Variants in CDC42EP4 observed in about 807,000 individuals in gnomAD.
CDC42EP4 encodes the protein CDC42 effector protein 4.
A neutral mutation model predicts 5.6 loss-of-function variants in CDC42EP4; 6 were observed. The observed-to-expected ratio is 1.07, with a 90% CI of 0.59 to 2.12. The LOEUF is 2.12. Ranked by LOEUF, CDC42EP4 falls within the 30% of genes most tolerant of loss-of-function variation. The pLI is 0.00. For missense variants in CDC42EP4, 490 were observed against 508.6 expected, an observed-to-expected ratio of 0.96 and a Z score of 0.35; for synonymous variants, 230 against 224.2, an observed-to-expected ratio of 1.03 and a Z score of -0.23.
rs76837072 is a variant in CDC42EP4, at chr17:73,309,415, G to A, written c.-113+2478C>T. 4.1e-3 allele frequency among the ~76,000 whole-genome samples: 627 copies of A among 152,132 alleles called. 3 individuals carry two copies. The highest frequency in any genetic ancestry group is 0.014 in the African/African-American group (576 of 41,510). ...AGACTGGTGTAAGATTCCTCTCCCA[G>A]GTCAACACTCACTCCCCTGACCTTT... On this transcript the variant is annotated intron_variant, in intron 1 of 1. Coordinates refer to ENST00000335793, the MANE Select transcript of CDC42EP4 (RefSeq NM_012121.5).
At position 73,285,224 on chromosome 17, in the gene CDC42EP4, A is replaced by C. The variant is rs1199629597; in HGVS notation, c.*206T>G. 4 of 454,210 alleles carry C rather than the reference A, an allele frequency of 8.8e-6. No individual in the cohort carries two copies. Among genetic ancestry groups the C allele is most frequent in the African/African-American group, 2.0e-5 (1 of 50,952 alleles). The allele number at this position is 454,210 out of a possible 1,614,324, so 28.1% of individuals were successfully genotyped here. On this transcript the variant is annotated 3_prime_UTR_variant, in exon 2 of 2. Coordinates refer to ENST00000335793, the MANE Select transcript of CDC42EP4 (RefSeq NM_012121.5). The surrounding 1 kb of genome is among the most constrained non-coding windows in gnomAD (Gnocchi z 6.8). Reference sequence around the variant, plus strand: ...TAAGTGCAGGGAGCATGATGAAGTCAGGCAGCCAGTCGGCACCCATGCCAG... The same window carrying C: ...TAAGTGCAGGGAGCATGATGAAGTCCGGCAGCCAGTCGGCACCCATGCCAG...
chr17:73,301,033 G>T (rs1218937583), intron 1 of CDC42EP4, among the ~76,000 whole-genome samples: 1 of 147,662 alleles, frequency 6.8e-6, no homozygotes, highest in Non-Finnish European at 1.5e-5. Context: ...GCAAAAAAGA[G>T]TGAAACTCCG....
intron 1 of CDC42EP4, among the ~76,000 whole-genome samples, chr17:73,293,608 A>G (rs1408650944): frequency 6.6e-6 from 1 of 152,166 alleles, no homozygotes; most frequent in Non-Finnish European, 1.5e-5. Context: ...TCTGCTACAC[A>G]AGGCTTGTCA....
Position 73,286,418 on chromosome 17 carries a change from C to T in CDC42EP4, c.83G>A (p.Ser28Asn), listed in dbSNP as rs776691106. 1 of 1,613,684 alleles carries T rather than the reference C, an allele frequency of 6.2e-7. No individual in the cohort carries two copies. The highest frequency in any genetic ancestry group is 1.1e-5 in the South Asian group (1 of 91,062). Residue 28 changes from serine to asparagine, a missense_variant, in exon 2 of 2, where the codon AGC becomes AAC. By Grantham distance (46) the Ser-to-Asn change is conservative. Coordinates refer to ENST00000335793, the MANE Select transcript of CDC42EP4 (RefSeq NM_012121.5). This position sits in a 1 kb window ranked among gnomAD's most constrained non-coding sequence, Gnocchi z 7.7. ...SRADLTAEMISAPLGDFRHTM... is the reference protein window; with the variant it reads ...SRADLTAEMINAPLGDFRHTM... ...GTGGCGGAAGTCGCCCAGCGGGGCGCTGATCATCTCGGCCGTGAGGTCCGC... is the reference window on the plus strand; with the variant it reads ...GTGGCGGAAGTCGCCCAGCGGGGCGTTGATCATCTCGGCCGTGAGGTCCGC...
chr17:73,287,651 T>G (rs542099606), intron 1 of CDC42EP4, among the ~76,000 whole-genome samples: 1 of 152,230 alleles, frequency 6.6e-6, no homozygotes, highest in Non-Finnish European at 1.5e-5. Context: ...TGGGGAGAGA[T>G]GGGTGCAGGG....
At chr17:73,307,204 C>A (rs1461134375) in intron 1 of CDC42EP4, 1 of 152,218 alleles carries the variant, frequency 6.6e-6, no homozygotes, top group Admixed American at 6.5e-5. Context: ...AAGAGAGACC[C>A]TTCCTCAGCT....
chr17:73,303,374 A>G (rs2062229169), intron 1 of CDC42EP4, among the ~76,000 whole-genome samples: 1 of 149,798 alleles, frequency 6.7e-6, no homozygotes, highest in South Asian at 2.1e-4. Context: ...ACAAAAACTG[A>G]TAATTGGCCG....
intron 1 of CDC42EP4, among the ~76,000 whole-genome samples, chr17:73,306,036 C>T (rs1216403236): frequency 2.0e-5 from 3 of 152,124 alleles, no homozygotes; most frequent in East Asian, 1.9e-4. Flanking sequence ...TCCCTCATCC[C>T]GTCACCTTTT....
At position 73,285,464 on chromosome 17, in the gene CDC42EP4, A is replaced by G; in HGVS notation, c.1037T>C (p.Met346Thr). 1.3e-6 allele frequency: 2 copies of G among 1,573,012 alleles called. No individual in the cohort carries two copies. The highest frequency in any genetic ancestry group is 1.7e-6 in the Non-Finnish European group (2 of 1,154,358). ...SRQPDKEFSF[M>T]DEEEEDEIRV ...GATTTCATCCTCCTCCTCCTCATCCATGAAGGAGAACTCCTTGTCTGGCTG... is the reference window on the plus strand; with the variant it reads ...GATTTCATCCTCCTCCTCCTCATCCGTGAAGGAGAACTCCTTGTCTGGCTG... The change falls in exon 2 of 2, where the codon ATG becomes ACG. Residue 346 changes from methionine (M) to threonine (T), a missense_variant. By Grantham distance (81) the Met-to-Thr change is moderately conservative (BLOSUM62 -1). Coordinates refer to ENST00000335793, the MANE Select transcript of CDC42EP4 (RefSeq NM_012121.5). The surrounding 1 kb of genome is among the most constrained non-coding windows in gnomAD (Gnocchi z 6.8).
In CDC42EP4 at chr17:73,292,873, A is replaced by G. The variant is rs1354665450; in HGVS notation, c.-112-6261T>C. 2.0e-5 allele frequency among the ~76,000 whole-genome samples: 3 copies of G among 152,202 alleles called. No individual in the cohort carries two copies. The East Asian group carries it at 5.8e-4, about 29-fold the overall frequency. Reference sequence around the variant, plus strand: ...GTTTTTATTACAGGCACCTGCCATCATGCCCAGTTAATTTTTGAATTTTTT... The same window carrying G: ...GTTTTTATTACAGGCACCTGCCATCGTGCCCAGTTAATTTTTGAATTTTTT... On this transcript the variant is annotated intron_variant, in intron 1 of 1. Transcript: ENST00000335793.
intron 1 of CDC42EP4, among the ~76,000 whole-genome samples, chr17:73,304,868 C>CA (rs2062237272): frequency 2.0e-5 from 3 of 152,180 alleles, no homozygotes; most frequent in African/African-American, 7.2e-5. Flanking sequence ...AGGCTACAGC[C>CA]CAACACCCCA....
intron 1 of CDC42EP4, among the ~76,000 whole-genome samples, chr17:73,303,080 A>G (rs994774238): frequency 8.0e-5 from 12 of 149,572 alleles, no homozygotes; most frequent in African/African-American, 2.7e-4. Context: ...GCGGTGGCTC[A>G]CGCCTGTAAT....
At chr17:73,308,668 A>G (rs1056176510) in intron 1 of CDC42EP4, among the ~76,000 whole-genome samples, 1 of 151,634 alleles carries the variant, frequency 6.6e-6, no homozygotes, top group Non-Finnish European at 1.5e-5. Flanking sequence ...TCAATCAGTC[A>G]CTCCAAAGGG....
At chr17:73,302,202 G>T (rs1260782099) in intron 1 of CDC42EP4, among the ~76,000 whole-genome samples, 1 of 152,078 alleles carries the variant, frequency 6.6e-6, no homozygotes, top group Non-Finnish European at 1.5e-5. Context: ...TACCTTACAG[G>T]CTCTAAGCAA....
intron 1 of CDC42EP4, among the ~76,000 whole-genome samples, chr17:73,302,431 G>T (rs190329622): frequency 1.6e-4 from 24 of 152,174 alleles, no homozygotes; most frequent in African/African-American, 5.5e-4. Context: ...GCCACATAAG[G>T]CTACTGAGTA....
In CDC42EP4 at chr17:73,294,837, T is replaced by C. The variant is rs149733453; in HGVS notation, c.-112-8225A>G. 2.6e-5 allele frequency among the ~76,000 whole-genome samples: 4 copies of C among 151,964 alleles called. No individual in the cohort carries two copies. In the East Asian group the frequency reaches 7.7e-4, roughly 29 times the overall value. Reference sequence around the variant, plus strand: ...TTCTTTCTTTTTTTTGAGACAGAGTTTCGCTCTTGTTGCCCATGCTGGAAT... The same window carrying C: ...TTCTTTCTTTTTTTTGAGACAGAGTCTCGCTCTTGTTGCCCATGCTGGAAT... On this transcript the variant is annotated intron_variant, in intron 1 of 1. Transcript: ENST00000335793.
At chr17:73,304,549 G>A (rs1199074584) in intron 1 of CDC42EP4, among the ~76,000 whole-genome samples, 1 of 151,044 alleles carries the variant, frequency 6.6e-6, no homozygotes. Flanking sequence ...ACTTAGAGGG[G>A]CACGTGCTCT....
chr17:73,286,537 T>C lies in CDC42EP4; in HGVS notation c.-37A>G, dbSNP rs1430564055. The C allele has an allele frequency of 7.3e-6, 11 of 1,508,226 alleles. No individual in the cohort carries two copies. Among genetic ancestry groups the C allele is most frequent in the Non-Finnish European group, 9.8e-6 (11 of 1,116,760 alleles). The allele number at this position is 1,508,226 out of a possible 1,614,324, so 93.4% of individuals were successfully genotyped here. A position where few individuals can be genotyped will look rare whatever the true frequency, so the allele number is the denominator to read the frequency against. The stretch of plus-strand genomic sequence containing the variant: ...GGCGGGGAGGTGGGCCCTCCCGAGG[T>C]AGCCGGCAGGTCTGGGGTCAGATCT... On this transcript the variant is annotated 5_prime_UTR_variant, in exon 2 of 2. Transcript: ENST00000335793. The surrounding 1 kb of genome is among the most constrained non-coding windows in gnomAD (Gnocchi z 7.7).
Position 73,285,548 on chromosome 17 carries a change from A to G in CDC42EP4, c.953T>C (p.Leu318Pro). 4 of 1,611,998 alleles carry G rather than the reference A, an allele frequency of 2.5e-6. No individual in the cohort carries two copies. The highest frequency in any genetic ancestry group is 3.4e-6 in the Non-Finnish European group (4 of 1,179,554). ...SSLSSCTSGI[L>P]EERSPAFRGP... ...CCGGAAGGCAGGGCTGCGCTCCTCC[A>G]GGATGCCTGAGGTGCAGCTGGAGAG... The change falls in exon 2 of 2, where the codon CTG becomes CCG. Residue 318 changes from leucine (L) to proline (P), a missense_variant. Physicochemically the swap from Leu to Pro is moderately conservative, Grantham distance 98. Transcript: ENST00000335793. The surrounding 1 kb of genome is among the most constrained non-coding windows in gnomAD (Gnocchi z 6.8).
Sources: gnomAD v4.1 joint callset for allele counts (sites outside exome capture counted in the v4.1 genomes callset) on GRCh38, gnomAD v4.1.1 for gene constraint, Gnocchi (gnomAD v3.1) non-coding constraint, MANE v1.5 for transcripts, NCBI Gene and HGNC (gene_info 2026-07-23, HGNC 2026-07-21) for gene names.